LUZP2: variants seen among roughly 807,000 people sequenced by gnomAD.
The protein encoded by LUZP2 is leucine zipper protein 2.
In LUZP2, 52 loss-of-function variants were observed where a neutral mutation model predicts 51.6. That is an observed-to-expected ratio of 1.01 (90% confidence interval 0.81 to 1.27). LUZP2 has a LOEUF of 1.27. Among genes scored for constraint, LUZP2 ranks in the 50% most tolerant of loss-of-function variants. LUZP2 has a pLI of 0.00. For missense variants in LUZP2, 436 were observed against 395.4 expected (o/e 1.10, Z -0.87); for synonymous variants, 154 against 137.3 (o/e 1.12, Z -0.85).
At chr11:24,867,850 A>G (rs1352051377) in intron 5 of LUZP2, among the ~76,000 whole-genome samples, 5 of 152,170 alleles carry the variant, frequency 3.3e-5, no homozygotes, top group African/African-American at 4.8e-5. Context: ...GTTCTTTTTA[A>G]AATGTAAATT....
intron 5 of LUZP2, among the ~76,000 whole-genome samples, chr11:24,859,339 T>C (rs1417271866): frequency 6.6e-6 from 1 of 152,170 alleles, no homozygotes; most frequent in Non-Finnish European, 1.5e-5. Context: ...AATTTGTCAT[T>C]CATCCTACAC....
intron 4 of LUZP2, among the ~76,000 whole-genome samples, chr11:24,753,868 C>A (rs908008139): frequency 5.9e-5 from 9 of 152,096 alleles, no homozygotes; most frequent in African/African-American, 1.7e-4. Flanking sequence ...GGATGGGTTT[C>A]TCATTGTAAT....
rs554071790 is a variant in LUZP2, at chr11:24,855,696, C to T, written c.397-50295C>T. ...ACAAGAAGAACAAAGTGGAAGGCAT[C>T]GTATTACCTGATCTCAAATTATAAC... On this transcript the variant is annotated intron_variant, in intron 5 of 11. Transcript: ENST00000336930. 3.1e-4 allele frequency among the ~76,000 whole-genome samples: 47 copies of T among 152,184 alleles called. 1 individual carries two copies. The South Asian group carries it at 8.9e-3, about 29-fold the overall frequency.
intron 9 of LUZP2, among the ~76,000 whole-genome samples, chr11:25,029,793 A>AT (rs1857593025): frequency 9.6e-6 from 1 of 104,218 alleles, no homozygotes; most frequent in Non-Finnish European, 1.9e-5. Context: ...CTTACATTTT[A>AT]TTTTTTCTCT....
At chr11:24,949,326 ATCTATCTC>A (rs1244751129) in intron 7 of LUZP2, among the ~76,000 whole-genome samples, 1,649 of 36,338 alleles carry the variant, frequency 0.045, 13 homozygotes, top group African/African-American at 0.082. Context: ...CTATCTATCT[ATCTATCTC>A]TCTATCTATC....
chr11:24,581,805 A>T (rs1445129525), intron 1 of LUZP2, among the ~76,000 whole-genome samples: 1 of 152,078 alleles, frequency 6.6e-6, no homozygotes, highest in African/African-American at 2.4e-5. Flanking sequence ...TTTCTTATTT[A>T]ACTCTCACAA....
intron 1 of LUZP2, among the ~76,000 whole-genome samples, chr11:24,543,270 ACTTAGCAACCC>A (rs1324492333): frequency 2.0e-5 from 3 of 151,992 alleles, no homozygotes. Context: ...ACTCCAGATA[ACTTAGCAACCC>A]TGTGATATTT....
intron 7 of LUZP2, among the ~76,000 whole-genome samples, chr11:24,933,827 T>G (rs1203987416): frequency 6.6e-6 from 1 of 152,008 alleles, no homozygotes; most frequent in Admixed American, 6.6e-5. Context: ...CAAAGGGTGG[T>G]GGGATTATCA....
chr11:24,997,773 A>C (rs1205884220), intron 9 of LUZP2, among the ~76,000 whole-genome samples: 7 of 152,120 alleles, frequency 4.6e-5, no homozygotes, highest in South Asian at 2.1e-4. Flanking sequence ...TAAGTCTTTA[A>C]TCCATCTTGA....
At chr11:25,006,305 C>T (rs1856833254) in intron 9 of LUZP2, among the ~76,000 whole-genome samples, 1 of 152,130 alleles carries the variant, frequency 6.6e-6, no homozygotes, top group East Asian at 1.9e-4. Context: ...GACCCAGGAG[C>T]CAAGGGTCAG....
chr11:24,951,724 A>T (rs1354624303), intron 7 of LUZP2, among the ~76,000 whole-genome samples: 1 of 151,548 alleles, frequency 6.6e-6, no homozygotes, highest in African/African-American at 2.4e-5. Flanking sequence ...ACAATTTGGG[A>T]GGTAGTTTTT....
intron 5 of LUZP2, among the ~76,000 whole-genome samples, chr11:24,884,021 G>A (rs188024912): frequency 1.2e-3 from 181 of 152,124 alleles, no homozygotes; most frequent in African/African-American, 4.1e-3. Context: ...AGAGAGGGTG[G>A]CAGGTGTTCA....
intron 1 of LUZP2, among the ~76,000 whole-genome samples, chr11:24,720,087 G>A (rs548145478): frequency 1.6e-4 from 24 of 152,146 alleles, no homozygotes; most frequent in South Asian, 1.0e-3. Context: ...ATTGAAATGG[G>A]AACAATTAGA....
At chr11:24,874,766 T>C (rs10500992) in intron 5 of LUZP2, among the ~76,000 whole-genome samples, 8,670 of 152,228 alleles carry the variant, frequency 0.057, 647 homozygotes, top group African/African-American at 0.17. Context: ...TCATGCATTC[T>C]GCTAATTAAC....
chr11:24,889,821 A>G (rs1009072426), intron 5 of LUZP2, among the ~76,000 whole-genome samples: 1 of 152,222 alleles, frequency 6.6e-6, no homozygotes, highest in African/African-American at 2.4e-5. Context: ...AACTGCCAGA[A>G]TAAATTATGG....
At chr11:24,952,691 C>A (rs1486291361) in intron 7 of LUZP2, among the ~76,000 whole-genome samples, 1 of 151,834 alleles carries the variant, frequency 6.6e-6, no homozygotes, top group Non-Finnish European at 1.5e-5. Context: ...GTTTCTTTGA[C>A]TTGGCAGACT....
intron 5 of LUZP2, among the ~76,000 whole-genome samples, chr11:24,796,491 CTGTGTGTGTGTG>C (rs57329413): frequency 0.073 from 9,137 of 124,618 alleles, 878 homozygotes; most frequent in African/African-American, 0.22. Flanking sequence ...TAATAATAAT[CTGTGTGTGTGTG>C]TGTGTGTGTG....
chr11:24,612,453 T>C (rs1424045865), intron 1 of LUZP2, among the ~76,000 whole-genome samples: 2 of 152,136 alleles, frequency 1.3e-5, no homozygotes, highest in Non-Finnish European at 2.9e-5. Flanking sequence ...CATTTTGCCA[T>C]GATATGCTCC....
intron 5 of LUZP2, among the ~76,000 whole-genome samples, chr11:24,787,222 T>C (rs1849274060): frequency 6.6e-6 from 1 of 152,162 alleles, no homozygotes; most frequent in Non-Finnish European, 1.5e-5. Flanking sequence ...AAGCTGAACA[T>C]TGAAGTATCA....
Sources: allele counts gnomAD v4.1 joint callset (sites outside exome capture counted in the v4.1 genomes callset), GRCh38; gene constraint gnomAD v4.1.1; transcripts MANE v1.5; gene names NCBI Gene and HGNC (gene_info 2026-07-23, HGNC 2026-07-21).